The following PIK3C2A variants were observed in gnomAD, a reference collection of about 807,000 sequenced individuals.
PIK3C2A encodes the protein phosphatidylinositol 4-phosphate 3-kinase C2 domain-containing subunit alpha.
In PIK3C2A, 97 loss-of-function variants were observed where a neutral mutation model predicts 204.5. The observed-to-expected ratio is 0.47, with a 90% CI of 0.40 to 0.56. PIK3C2A has a LOEUF of 0.56. Among genes scored for constraint, PIK3C2A ranks in the 20% least tolerant of loss-of-function variants. The pLI, the probability that PIK3C2A is intolerant of heterozygous loss-of-function variation, is 0.00. For missense variants in PIK3C2A, 1,735 were observed against 1,969.2 expected (o/e 0.88, Z 2.25); for synonymous variants, 653 against 664.4 (o/e 0.98, Z 0.26).
chr11:17,134,768 T>C lies in PIK3C2A; in HGVS notation c.2108+51A>G, dbSNP rs376797316. ...CTCCCACTGTGGCCTCACAAAGCCT[T>C]GGGATTACAGGTGCAAGCCACCATG... On this transcript the variant is annotated intron_variant, in intron 11 of 32. Transcript: ENST00000691414. The C allele has an allele frequency of 4.3e-5, 60 of 1,379,814 alleles. No homozygotes were observed. The South Asian group carries it at 6.3e-4, about 14-fold the overall frequency. The allele number at this position is 1,379,814 out of a possible 1,614,324, so 85.5% of individuals were successfully genotyped here. A position where few individuals can be genotyped will look rare whatever the true frequency, so the allele number is the denominator to read the frequency against.
intron 3 of PIK3C2A, 91 bp from the exon 4 acceptor site, chr11:17,150,746 G>C (rs1451957107): frequency 1.1e-5 from 9 of 812,676 alleles, no homozygotes; most frequent in Admixed American, 3.6e-5. Flanking sequence ...CAGCCACTCA[G>C]TTCTGTGTCT....
At chr11:17,097,301 A>G (rs1009093349) in intron 26 of PIK3C2A, 37 bp from the exon 27 acceptor site, 4 of 1,262,288 alleles carry the variant, frequency 3.2e-6, no homozygotes, top group Non-Finnish European at 4.6e-6. Context: ...ACAGTAAATG[A>G]GAACACATGG....
intron 12 of PIK3C2A, among the ~76,000 whole-genome samples, chr11:17,131,546 C>T (rs955547019): frequency 4.6e-5 from 7 of 151,574 alleles, no homozygotes; most frequent in Non-Finnish European, 7.4e-5. Flanking sequence ...CTCAGCCTCC[C>T]GAGTAGCTGG....
At chr11:17,175,583 G>A (rs1425786036) in intron 1 of PIK3C2A, among the ~76,000 whole-genome samples, 1 of 152,136 alleles carries the variant, frequency 6.6e-6, no homozygotes, top group Non-Finnish European at 1.5e-5. Context: ...AGCTGAGAAA[G>A]ACAATATAAC....
At chr11:17,091,682 T>G in intron 30 of PIK3C2A, 26 bp from the exon 31 acceptor site, 1 of 1,408,950 alleles carries the variant, frequency 7.1e-7, no homozygotes, top group Non-Finnish European at 9.9e-7. Context: ...TTTTCATCTT[T>G]ATTTACTGGT....
At chr11:17,196,613 A>G (rs760725541) in intron 1 of PIK3C2A, among the ~76,000 whole-genome samples, 35 of 152,276 alleles carry the variant, frequency 2.3e-4, no homozygotes, top group Non-Finnish European at 4.7e-4. Flanking sequence ...TCTGTCACCC[A>G]GCCTGGAGTG....
Position 17,092,131 on chromosome 11 carries a change from G to A in PIK3C2A, c.4569+28C>T, listed in dbSNP as rs756611403. ...TTATGTAACACAAAAGGTATAAGAT[G>A]TTATTACTTCTCATTTAGTAAGGTT... On this transcript the variant is annotated intron_variant, in intron 29 of 32. Transcript: ENST00000691414. 8 of 1,472,014 alleles carry A rather than the reference G, an allele frequency of 5.4e-6. No homozygotes were observed. In the Admixed American group the frequency reaches 8.4e-5, roughly 15 times the overall value. 91.2% of individuals were successfully genotyped at this position (1,472,014 alleles called of 1,614,324 possible). A position where few individuals can be genotyped will look rare whatever the true frequency, so the allele number is the denominator to read the frequency against.
chr11:17,194,374 G>A, intron 1 of PIK3C2A: 1 of 238,326 alleles, frequency 4.2e-6, no homozygotes, highest in South Asian at 1.2e-4. Flanking sequence ...GTCTGCATGG[G>A]GCTGGGGTCC....
In PIK3C2A at chr11:17,135,104, C is replaced by A; in HGVS notation, c.1897+7G>T. The A allele has an allele frequency of 1.2e-6, 2 of 1,613,812 alleles. No homozygotes were observed. The highest frequency in any genetic ancestry group is 1.7e-6 in the Non-Finnish European group (2 of 1,179,798). On this transcript the variant is annotated splice_region_variant and intron_variant, in intron 10 of 32. Coordinates refer to ENST00000691414, the MANE Select transcript of PIK3C2A (RefSeq NM_002645.4). Reference sequence around the variant, plus strand: ...TATTGCTAAAATTTAAAGATTTAAACACATACCCCTAGTTGAACTCCTGCT... The same window carrying A: ...TATTGCTAAAATTTAAAGATTTAAAAACATACCCCTAGTTGAACTCCTGCT...
intron 13 of PIK3C2A, among the ~76,000 whole-genome samples, chr11:17,128,873 A>G (rs1849604460): frequency 1.3e-5 from 2 of 152,228 alleles, no homozygotes; most frequent in South Asian, 4.1e-4. Context: ...AGATTAGTAA[A>G]GAGAATTAAG....
chr11:17,151,076 AT>A (rs1186863273), intron 3 of PIK3C2A, among the ~76,000 whole-genome samples: 2 of 152,152 alleles, frequency 1.3e-5, no homozygotes, highest in Non-Finnish European at 2.9e-5. Flanking sequence ...CTTAAAAAAT[AT>A]TTTTCTTCTA....
Position 17,202,610 on chromosome 11 carries a change from GT to G in PIK3C2A, c.-66+5237del, listed in dbSNP as rs570822479. On this transcript the variant is annotated intron_variant, in intron 1 of 32. Transcript: ENST00000691414. ...AGAACAGAACACTGGGCCTAGCATT[GT>G]TAAGACCTGAATTCAAGCAATGCTT... is the stretch of plus-strand genomic sequence containing the variant. Among the ~76,000 whole-genome samples, 912 of 151,702 alleles carry G rather than the reference GT, an allele frequency of 6.0e-3. 18 individuals are homozygous for G. The highest frequency in any genetic ancestry group is 0.021 in the African/African-American group (868 of 41,394).
At position 17,117,492 on chromosome 11, in the gene PIK3C2A, T is replaced by G; in HGVS notation, c.3215A>C (p.Gln1072Pro). Residue 1072 changes from glutamine to proline, a missense_variant and splice_region_variant, in exon 19 of 33, where the codon CAG (glutamine) becomes CCG (proline). By Grantham distance (76) the Gln-to-Pro change is moderately conservative. Around this residue, in one of 6 missense-constraint regions of PIK3C2A, gnomAD observed 567 missense variants for 576.0 expected, o/e 0.98. Transcript: ENST00000691414. ...ATATTACCTTTTATGGGTACATACC[T>G]GTCTGGCTGATCCACTAGCCTGCCT... is the stretch of plus-strand genomic sequence containing the variant. The part of the protein sequence containing the change: ...KVRQASGSAR[Q>P]VVLQRSMERV... 1 of 1,606,146 alleles carries G rather than the reference T, an allele frequency of 6.2e-7. No homozygotes were observed. The highest frequency in any genetic ancestry group is 1.3e-5 in the African/African-American group (1 of 74,872).
intron 1 of PIK3C2A, chr11:17,193,877 GAAAAGAAAA>G: frequency 5.4e-6 from 1 of 186,612 alleles, no homozygotes; most frequent in Non-Finnish European, 9.7e-6. Flanking sequence ...GAAAAGAAAA[GAAAAGAAAA>G]GAAAAGAAAA....
At position 17,188,800 on chromosome 11, in the gene PIK3C2A, T is replaced by C. The variant is rs143426275; in HGVS notation, c.-65-18994A>G. On this transcript the variant is annotated intron_variant, in intron 1 of 32. Coordinates refer to ENST00000691414, the MANE Select transcript of PIK3C2A (RefSeq NM_002645.4). ...AAGGCAGTTATCTTCCAAAGGAGGATTGGCAAGTGGCAGACAGAAATCCAT... is the reference window on the plus strand; with the variant it reads ...AAGGCAGTTATCTTCCAAAGGAGGACTGGCAAGTGGCAGACAGAAATCCAT... Among the ~76,000 whole-genome samples the C allele has an allele frequency of 9.2e-4, 136 of 147,044 alleles. 25 individuals are homozygous for C. Among genetic ancestry groups the C allele is most frequent in the African/African-American group, 3.3e-3 (120 of 36,650 alleles).
chr11:17,142,792 A>G (rs986222402), intron 8 of PIK3C2A, among the ~76,000 whole-genome samples: 4 of 152,160 alleles, frequency 2.6e-5, no homozygotes, highest in Admixed American at 1.3e-4. Flanking sequence ...GAAGTCCTTG[A>G]TGACCTTAAT....
chr11:17,170,513 G>A (rs981711929), intron 1 of PIK3C2A, among the ~76,000 whole-genome samples: 1 of 152,130 alleles, frequency 6.6e-6, no homozygotes, highest in Non-Finnish European at 1.5e-5. Flanking sequence ...ATTCTCTGCA[G>A]TTAAATCAAT....
At position 17,117,432 on chromosome 11, in the gene PIK3C2A, A is replaced by G; in HGVS notation, c.3216+59T>C. ...AAGAATAGCAACTTAATTAGTCAGC[A>G]CCATAAAGATCCTTCCTTTAACATT... On this transcript the variant is annotated intron_variant, in intron 19 of 32. Transcript: ENST00000691414. The G allele has an allele frequency of 2.5e-6, 3 of 1,180,098 alleles. No individual in the cohort carries two copies. In the South Asian group the frequency reaches 4.3e-5, roughly 17 times the overall value. 73.1% of individuals were successfully genotyped at this position (1,180,098 alleles called of 1,614,324 possible).
intron 1 of PIK3C2A, among the ~76,000 whole-genome samples, chr11:17,179,031 A>T (rs1298185200): frequency 6.6e-6 from 1 of 150,770 alleles, no homozygotes; most frequent in Non-Finnish European, 1.5e-5. Context: ...GCCCCCGCTG[A>T]TTTTTGTATT....
Sources: gnomAD v4.1 joint callset for allele counts (sites outside exome capture counted in the v4.1 genomes callset) on GRCh38, gnomAD v4.1.1 for gene constraint, gnomAD v4.1.1 regional missense constraint, MANE v1.5 for transcripts, NCBI Gene and HGNC (gene_info 2026-07-23, HGNC 2026-07-21) for gene names.